NUDCD1: variants seen among roughly 807,000 people sequenced by gnomAD.
NUDCD1 encodes the protein NudC domain containing 1, also known as nudC domain-containing protein 1.
NUDCD1 carries 60 observed loss-of-function variants against 67.8 expected under a neutral mutation model. The observed-to-expected ratio is 0.88, with a 90% CI of 0.72 to 1.10. The LOEUF is 1.10. Ranked by LOEUF, NUDCD1 falls within the 50% of genes least tolerant of loss-of-function variation. The pLI, the probability that NUDCD1 is intolerant of heterozygous loss-of-function variation, is 0.00. For missense variants in NUDCD1, 643 were observed against 695.0 expected, an observed-to-expected ratio of 0.93 and a Z score of 0.84; for synonymous variants, 244 against 230.8, an observed-to-expected ratio of 1.06 and a Z score of -0.52.
chr8:109,294,834 C>G (rs940724089), intron 3 of NUDCD1, among the ~76,000 whole-genome samples: 2 of 152,140 alleles, frequency 1.3e-5, no homozygotes, highest in South Asian at 2.1e-4. Context: ...CCTTACCCCC[C>G]ACCATGCTCC....
intron 2 of NUDCD1, among the ~76,000 whole-genome samples, chr8:109,308,326 G>A (rs1042931942): frequency 6.6e-6 from 1 of 152,124 alleles, no homozygotes; most frequent in Non-Finnish European, 1.5e-5. Context: ...CACAGCAAAG[G>A]CAGTACTAAG....
intron 6 of NUDCD1, among the ~76,000 whole-genome samples, chr8:109,276,207 T>C (rs1245415251): frequency 1.3e-5 from 2 of 152,140 alleles, no homozygotes; most frequent in African/African-American, 4.8e-5. Flanking sequence ...CAAGGACTGA[T>C]GCAGCAGGAA....
At chr8:109,317,220 AATG>A (rs748776437) in intron 2 of NUDCD1, among the ~76,000 whole-genome samples, 73 of 152,314 alleles carry the variant, frequency 4.8e-4, no homozygotes, top group Admixed American at 1.1e-3. Context: ...TGGCACTGAA[AATG>A]ATAATAGAGA....
chr8:109,243,596 A>G (rs552207601), intron 9 of NUDCD1, among the ~76,000 whole-genome samples: 23 of 152,200 alleles, frequency 1.5e-4, no homozygotes, highest in Non-Finnish European at 2.6e-4. Flanking sequence ...GAACACTAAA[A>G]TTCTAAAATC....
chr8:109,329,719 G>A, intron 1 of NUDCD1: 1 of 1,242,028 alleles, frequency 8.1e-7, no homozygotes, highest in Non-Finnish European at 1.1e-6. Flanking sequence ...AACTTCTTAA[G>A]TTGTACATTT....
At chr8:109,246,188 T>C (rs1400229013) in intron 8 of NUDCD1, among the ~76,000 whole-genome samples, 1 of 152,206 alleles carries the variant, frequency 6.6e-6, no homozygotes, top group Non-Finnish European at 1.5e-5. Flanking sequence ...ACCAATTTTA[T>C]AAGCAGACTA....
chr8:109,244,470 G>A (rs1407807764), intron 9 of NUDCD1, among the ~76,000 whole-genome samples: 2 of 152,042 alleles, frequency 1.3e-5, no homozygotes, highest in African/African-American at 4.8e-5. Context: ...AAATTATATG[G>A]TTAAATTAGT....
intron 8 of NUDCD1, among the ~76,000 whole-genome samples, chr8:109,252,755 T>C (rs1813650242): frequency 6.6e-6 from 1 of 152,176 alleles, no homozygotes; most frequent in African/African-American, 2.4e-5. Flanking sequence ...TTGACATACT[T>C]TTCCTTAGAT....
At chr8:109,330,487 T>C (rs1290056059) in intron 1 of NUDCD1, among the ~76,000 whole-genome samples, 12 of 152,184 alleles carry the variant, frequency 7.9e-5, no homozygotes. Flanking sequence ...GAAATGATAG[T>C]TTTTAAACAA....
chr8:109,280,043 T>A (rs1330664416), intron 6 of NUDCD1, among the ~76,000 whole-genome samples: 1 of 152,216 alleles, frequency 6.6e-6, no homozygotes, highest in African/African-American at 2.4e-5. Context: ...GAAATATTAA[T>A]TATTCCACTT....
chr8:109,278,338 T>C (rs993763317), intron 6 of NUDCD1, among the ~76,000 whole-genome samples: 1 of 152,188 alleles, frequency 6.6e-6, no homozygotes, highest in African/African-American at 2.4e-5. Context: ...AATGGCACAG[T>C]TGTGGGGGGC....
Position 109,333,958 on chromosome 8 carries a change from G to A in NUDCD1, c.53C>T (p.Pro18Leu), listed in dbSNP as rs1412737409. 1 of 1,613,968 alleles carries A rather than the reference G, an allele frequency of 6.2e-7. No individual in the cohort carries two copies. Among genetic ancestry groups the A allele is most frequent in the Non-Finnish European group, 8.5e-7 (1 of 1,179,950 alleles). Residue 18 changes from proline (P) to leucine (L), a missense_variant, in exon 1 of 10, where the codon CCC becomes CTC. Physicochemically the swap from Pro to Leu is moderately conservative, Grantham distance 98. Transcript: ENST00000239690. ...AGAGAGCTTGTAACCCTCGAAGCGG[G>A]GATCCAACAGAGGTCTCTTCACCCG... The part of the protein sequence containing the change: ...SLRVKRPLLD[P>L]RFEGYKLSLE...
chr8:109,294,900 A>T (rs1020470589), intron 3 of NUDCD1, among the ~76,000 whole-genome samples: 20 of 151,472 alleles, frequency 1.3e-4, no homozygotes, highest in Admixed American at 1.3e-4. Flanking sequence ...AAGTCCTAAA[A>T]CCCTCCTGAA....
chr8:109,257,697 A>G lies in NUDCD1; in HGVS notation c.1300-12216T>C, dbSNP rs928307241. 2.6e-5 allele frequency among the ~76,000 whole-genome samples: 4 copies of G among 152,268 alleles called. No individual in the cohort carries two copies. The East Asian group carries it at 7.7e-4, about 29-fold the overall frequency. ...AACGCGACAGTAATCAAGCCAGTAT[A>G]GTACTGTCTAAAGAAGGAATCAGCA... On this transcript the variant is annotated intron_variant, in intron 8 of 9. Transcript: ENST00000239690.
At chr8:109,260,363 T>C (rs1291907256) in intron 8 of NUDCD1, among the ~76,000 whole-genome samples, 1 of 152,116 alleles carries the variant, frequency 6.6e-6, no homozygotes, top group Non-Finnish European at 1.5e-5. Flanking sequence ...CCTGGCAAAT[T>C]TTTTTGTATA....
At chr8:109,301,669 GCCTCTCTTGCTACCCTTCAATCTC>G (rs1360851685) in intron 2 of NUDCD1, among the ~76,000 whole-genome samples, 3 of 152,160 alleles carry the variant, frequency 2.0e-5, no homozygotes, top group Non-Finnish European at 4.4e-5. Context: ...CTCTTCTCCA[GCCTCTCTTGCTACCCTTCAATCTC>G]CCTCTCTTAC....
chr8:109,264,876 G>T (rs2926197), intron 8 of NUDCD1, among the ~76,000 whole-genome samples: 95,970 of 150,672 alleles, frequency 0.64, 31,959 homozygotes, highest in African/African-American at 0.84. Flanking sequence ...CTCTGGAAAA[G>T]ATCCCAATTT....
At chr8:109,260,249 T>G (rs892738511) in intron 8 of NUDCD1, among the ~76,000 whole-genome samples, 1 of 152,156 alleles carries the variant, frequency 6.6e-6, no homozygotes. Context: ...TAGGCTGGAG[T>G]GTAGGCACCA....
chr8:109,268,892 A>T (rs1814073731), intron 8 of NUDCD1, among the ~76,000 whole-genome samples: 1 of 152,146 alleles, frequency 6.6e-6, no homozygotes, highest in Non-Finnish European at 1.5e-5. Flanking sequence ...TTATGTCAAA[A>T]CTAAACAACA....
Sources: allele counts gnomAD v4.1 joint callset (sites outside exome capture counted in the v4.1 genomes callset), GRCh38; gene constraint gnomAD v4.1.1; transcripts MANE v1.5; gene names NCBI Gene and HGNC (gene_info 2026-07-23, HGNC 2026-07-21).